The following PGM1 variants were observed in gnomAD, a reference collection of about 807,000 sequenced individuals.
PGM1 encodes the protein phosphoglucomutase-1.
Under a neutral mutation model 55.6 loss-of-function variants are expected in PGM1, and 52 were observed. That is an observed-to-expected ratio of 0.94 (90% CI 0.75 to 1.18). The LOEUF is 1.18. Ranked by LOEUF, PGM1 falls within the 50% of genes most tolerant of loss-of-function variation. The pLI is 0.00. For missense variants in PGM1, 724 were observed against 729.3 expected, an observed-to-expected ratio of 0.99 and a Z score of 0.08; for synonymous variants, 287 against 271.7, an observed-to-expected ratio of 1.06 and a Z score of -0.55.
At chr1:63,648,451 T>C (rs1378014360) in intron 7 of PGM1, 66 bp from the exon 8 acceptor site, 2 of 1,578,124 alleles carry the variant, frequency 1.3e-6, no homozygotes, top group Non-Finnish European at 1.7e-6. Context: ...CCAAACCATA[T>C]CAAGTACCTT....
intron 7 of PGM1, among the ~76,000 whole-genome samples, chr1:63,640,039 GCTTAGTC>G (rs1449337732): frequency 6.6e-6 from 1 of 152,198 alleles, no homozygotes; most frequent in African/African-American, 2.4e-5. Flanking sequence ...CAAGGCCACT[GCTTAGTC>G]CTTTTCTACT....
Position 63,659,784 on chromosome 1 carries a change from A to G in PGM1, c.*109A>G. On this transcript the variant is annotated 3_prime_UTR_variant, in exon 11 of 11. Coordinates refer to ENST00000371084, the MANE Select transcript of PGM1 (RefSeq NM_002633.3). ...TATTCACCAAGCATTTTAGGATTTGACTTTTTCACTAACCAGTTGACGAGC... is the reference window on the plus strand; with the variant it reads ...TATTCACCAAGCATTTTAGGATTTGGCTTTTTCACTAACCAGTTGACGAGC... 2 of 821,568 alleles carry G rather than the reference A, an allele frequency of 2.4e-6. No individual in the cohort carries two copies. The highest frequency in any genetic ancestry group is 5.2e-5 in the East Asian group (2 of 38,416). The allele number at this position is 821,568 out of a possible 1,614,324, so 50.9% of individuals were successfully genotyped here. A position where few individuals can be genotyped will look rare whatever the true frequency, so the allele number is the denominator to read the frequency against.
At chr1:63,597,347 CA>C (rs1169293912) in intron 1 of PGM1, among the ~76,000 whole-genome samples, 2 of 152,070 alleles carry the variant, frequency 1.3e-5, no homozygotes, top group African/African-American at 4.8e-5. Flanking sequence ...GTTTCATCCA[CA>C]AAGGTTGGGA....
In PGM1 at chr1:63,629,526, C is replaced by T. The variant is rs1487375021; in HGVS notation, c.348C>T (p.Ala116=). ...IKAIGGIILT[A]SHNPGGPNGD... The stretch of plus-strand genomic sequence containing the variant: ...CCATTGGTGGGATCATTCTGACAGC[C>T]AGTCACAACCCAGGGGGCCCCAATG... The change falls in exon 2 of 11, where the codon GCC becomes GCT. Residue 116 remains alanine, a synonymous_variant. Coordinates refer to ENST00000371084, the MANE Select transcript of PGM1 (RefSeq NM_002633.3). 3 of 1,613,832 alleles carry T rather than the reference C, an allele frequency of 1.9e-6. No homozygotes were observed. Among genetic ancestry groups the T allele is most frequent in the Non-Finnish European group, 2.5e-6 (3 of 1,179,774 alleles).
intron 1 of PGM1, among the ~76,000 whole-genome samples, chr1:63,622,639 A>G (rs1648912132): frequency 6.6e-6 from 1 of 152,098 alleles, no homozygotes; most frequent in Non-Finnish European, 1.5e-5. Context: ...GTGCATCCTC[A>G]CGCCTGTTTT....
chr1:63,625,789 A>G (rs1401535273), intron 1 of PGM1, among the ~76,000 whole-genome samples: 1 of 152,014 alleles, frequency 6.6e-6, no homozygotes, highest in Non-Finnish European at 1.5e-5. Flanking sequence ...TTTTATTTAC[A>G]TAGAGCTCTC....
At chr1:63,637,953 TCAAA>T (rs1358839210) in intron 6 of PGM1, among the ~76,000 whole-genome samples, 1 of 152,192 alleles carries the variant, frequency 6.6e-6, no homozygotes, top group Non-Finnish European at 1.5e-5. Context: ...CAAATCTCGC[TCAAA>T]CAGTGAATGG....
At chr1:63,594,714 G>C (rs1247941318) in intron 1 of PGM1, among the ~76,000 whole-genome samples, 8 of 151,094 alleles carry the variant, frequency 5.3e-5, no homozygotes, top group Non-Finnish European at 1.0e-4. Flanking sequence ...GGCTGAGGGT[G>C]GTGGATCACC....
At chr1:63,630,122 C>T (rs777935612) in intron 3 of PGM1, 34 bp downstream of exon 3, 111 of 1,608,032 alleles carry the variant, frequency 6.9e-5, no homozygotes, top group Non-Finnish European at 4.3e-6. Context: ...CTGCCCACTC[C>T]TATTTCCAAG....
chr1:63,594,269 C>T (rs1647970699), intron 1 of PGM1: 2 of 336,490 alleles, frequency 5.9e-6, no homozygotes, highest in Non-Finnish European at 8.3e-6. Context: ...GTGGCGAGAG[C>T]ACCCATCCCC....
At chr1:63,651,305 A>C (rs1321607150) in intron 8 of PGM1, 15 of 258,072 alleles carry the variant, frequency 5.8e-5, no homozygotes, top group Middle Eastern at 1.4e-3. Context: ...CTTTCAAGAG[A>C]GTTCTCCAGA....
chr1:63,658,092 A>G (rs1650012978), intron 10 of PGM1, among the ~76,000 whole-genome samples: 1 of 152,232 alleles, frequency 6.6e-6, no homozygotes, highest in Non-Finnish European at 1.5e-5. Context: ...CTTATTCTGC[A>G]GCTGCTAGGC....
In PGM1 at chr1:63,629,441, T is replaced by A; in HGVS notation, c.263T>A (p.Ile88Asn). The A allele has an allele frequency of 6.2e-7, 1 of 1,613,624 alleles. No individual in the cohort carries two copies. Among genetic ancestry groups the A allele is most frequent in the African/African-American group, 1.3e-5 (1 of 75,002 alleles). ...TTCTCCTAGATCGGTCGCTTGGTTA[T>A]CGGACAGAATGGAATCCTCTCCACC... ...AAANGIGRLVIGQNGILSTPA... is the reference protein window; with the variant it reads ...AAANGIGRLVNGQNGILSTPA... Residue 88 changes from isoleucine to asparagine, a missense_variant, in exon 2 of 11, where the codon ATC becomes AAC. This residue lies in a region of PGM1 where 379 missense variants were observed against 357.5 expected (regional missense o/e 1.06). Coordinates refer to ENST00000371084, the MANE Select transcript of PGM1 (RefSeq NM_002633.3).
At chr1:63,657,386 G>A (rs1319499107) in intron 10 of PGM1, among the ~76,000 whole-genome samples, 1 of 152,050 alleles carries the variant, frequency 6.6e-6, no homozygotes, top group African/African-American at 2.4e-5. Context: ...AGTTGTTACC[G>A]GGGTTTAAGG....
At chr1:63,637,244 AC>A (rs1237086956) in intron 6 of PGM1, among the ~76,000 whole-genome samples, 1 of 152,226 alleles carries the variant, frequency 6.6e-6, no homozygotes, top group Admixed American at 6.5e-5. Context: ...TAATTCATTT[AC>A]TTCTCAGATG....
At chr1:63,594,631 T>C (rs992553129) in intron 1 of PGM1, among the ~76,000 whole-genome samples, 1 of 151,730 alleles carries the variant, frequency 6.6e-6, no homozygotes. Context: ...AAAAAAGTTT[T>C]TCAGTAAATC....
rs1350437704 is a variant in PGM1 at position 63,659,960 on chromosome 1, T to C, written c.*285T>C. ...GTCTCCTTAGCCATCAGGTACAGTTTACACTACAATGTAAGCTATAGGTGG... is the reference window on the plus strand; with the variant it reads ...GTCTCCTTAGCCATCAGGTACAGTTCACACTACAATGTAAGCTATAGGTGG... On this transcript the variant is annotated 3_prime_UTR_variant, in exon 11 of 11. Transcript: ENST00000371084. 9.3e-6 allele frequency: 5 copies of C among 535,036 alleles called. No homozygotes were observed. The highest frequency in any genetic ancestry group is 1.7e-5 in the Non-Finnish European group (5 of 294,054). 33.1% of individuals were successfully genotyped at this position (535,036 alleles called of 1,614,324 possible). A position where few individuals can be genotyped will look rare whatever the true frequency, so the allele number is the denominator to read the frequency against.
chr1:63,641,796 G>T (rs559365554), intron 7 of PGM1, among the ~76,000 whole-genome samples: 12 of 152,280 alleles, frequency 7.9e-5, no homozygotes, highest in African/African-American at 2.9e-4. Context: ...GTCTTATCCT[G>T]CATTGTGTCC....
chr1:63,633,621 C>T (rs930843663), intron 4 of PGM1, among the ~76,000 whole-genome samples: 6 of 151,940 alleles, frequency 3.9e-5, no homozygotes, highest in African/African-American at 1.5e-4. Context: ...TCACTGTAAA[C>T]ATATGTAACT....
Sources: gnomAD v4.1 joint callset for allele counts (sites outside exome capture counted in the v4.1 genomes callset) on GRCh38, gnomAD v4.1.1 for gene constraint, gnomAD v4.1.1 regional missense constraint, MANE v1.5 for transcripts, NCBI Gene and HGNC (gene_info 2026-07-23, HGNC 2026-07-21) for gene names.